WNT9A: variants seen among roughly 807,000 people sequenced by gnomAD.
The protein encoded by WNT9A is Wnt family member 9A.
In WNT9A, 8 loss-of-function variants were observed where a neutral mutation model predicts 31.4. The observed-to-expected ratio is 0.26, with a 90% confidence interval of 0.15 to 0.46. The LOEUF is 0.46. WNT9A is among the 20% of genes least tolerant of loss of function. The pLI, the probability that WNT9A is intolerant of heterozygous loss-of-function variation, is 0.99. For synonymous variants in WNT9A, 236 were observed against 220.1 expected (o/e 1.07, Z -0.64); for missense variants, 457 against 522.9 (o/e 0.87, Z 1.23).
In WNT9A at chr1:227,926,268, A is replaced by G. The variant is rs1666419456; in HGVS notation, c.96-749T>C. Among the ~76,000 whole-genome samples, 2 of 151,816 alleles carry G rather than the reference A, an allele frequency of 1.3e-5. No individual in the cohort carries two copies. The highest frequency in any genetic ancestry group is 2.9e-5 in the Non-Finnish European group (2 of 67,940). ...GATGAACACCACCCTCCATCTTTACACGAGGCCTTGCACCAGTACCCAGCA... is the reference window on the plus strand; with the variant it reads ...GATGAACACCACCCTCCATCTTTACGCGAGGCCTTGCACCAGTACCCAGCA... On this transcript the variant is annotated intron_variant, in intron 1 of 3. Coordinates refer to ENST00000272164, the MANE Select transcript of WNT9A (RefSeq NM_003395.4). This position sits in a 1 kb window ranked among gnomAD's most constrained non-coding sequence, Gnocchi z 5.0.
rs904991013 is a variant in WNT9A, at chr1:227,946,879, C to T, written c.95+914G>A. 2.6e-5 allele frequency among the ~76,000 whole-genome samples: 4 copies of T among 152,186 alleles called. No homozygotes were observed. The East Asian group carries it at 5.8e-4, about 22-fold the overall frequency. Reference sequence around the variant, plus strand: ...GCCCGGCTGAGGGAGCGGCCCAGGGCGTCCAGGTCGGGGGCTGGGATCCGA... The same window carrying T: ...GCCCGGCTGAGGGAGCGGCCCAGGGTGTCCAGGTCGGGGGCTGGGATCCGA... On this transcript the variant is annotated intron_variant, in intron 1 of 3. Transcript: ENST00000272164.
intron 1 of WNT9A, among the ~76,000 whole-genome samples, chr1:227,927,756 C>G (rs930172931): frequency 6.6e-6 from 1 of 152,108 alleles, no homozygotes; most frequent in African/African-American, 2.4e-5. Flanking sequence ...TGTGCCTCCC[C>G]AGGCCTGGAC....
At chr1:227,946,136 C>T (rs1029692180) in intron 1 of WNT9A, among the ~76,000 whole-genome samples, 4 of 152,264 alleles carry the variant, frequency 2.6e-5, no homozygotes, top group East Asian at 1.9e-4. Context: ...CACAACAGCA[C>T]TTAAGTCCTT....
chr1:227,921,496 AG>A lies in WNT9A; in HGVS notation c.*21del, dbSNP rs758141017. ...GTGCAATGCCTGCACCCTGTGCAGC[AG>A]GGCTGGCAGGGCCTGGGAACTCAGC... is the stretch of plus-strand genomic sequence containing the variant. On this transcript the variant is annotated 3_prime_UTR_variant, in exon 4 of 4. Transcript: ENST00000272164. 2.5e-6 allele frequency: 4 copies of A among 1,593,992 alleles called. No individual in the cohort carries two copies. Among genetic ancestry groups the A allele is most frequent in the Non-Finnish European group, 2.6e-6 (3 of 1,168,494 alleles).
chr1:227,946,229 C>G (rs1347542043), intron 1 of WNT9A, among the ~76,000 whole-genome samples: 1 of 152,266 alleles, frequency 6.6e-6, no homozygotes, highest in Admixed American at 6.5e-5. Flanking sequence ...GCCCCTTGAC[C>G]TTCTCTAGGG....
intron 3 of WNT9A, 61 bp downstream of exon 3, chr1:227,924,077 C>A: frequency 1.0e-6 from 1 of 963,736 alleles, no homozygotes; most frequent in African/African-American, 1.7e-5. Flanking sequence ...CGCCCCACCC[C>A]CAACCCCCTG....
chr1:227,937,878 C>T (rs1008088346), intron 1 of WNT9A, among the ~76,000 whole-genome samples: 1 of 152,230 alleles, frequency 6.6e-6, no homozygotes, highest in Non-Finnish European at 1.5e-5. Flanking sequence ...TGCACACCAG[C>T]CAGGCTTCTA....
Position 227,926,420 on chromosome 1 carries a change from C to T in WNT9A, c.96-901G>A, listed in dbSNP as rs1666421997. ...TGGGCTCACTTCACAAGGCTTCCCT[C>T]ACACCCCGCCCTGGCCCAGCCCAGC... On this transcript the variant is annotated intron_variant, in intron 1 of 3. Coordinates refer to ENST00000272164, the MANE Select transcript of WNT9A (RefSeq NM_003395.4). This position sits in a 1 kb window ranked among gnomAD's most constrained non-coding sequence, Gnocchi z 5.0. 1.3e-5 allele frequency among the ~76,000 whole-genome samples: 2 copies of T among 152,062 alleles called. No individual in the cohort carries two copies. Among genetic ancestry groups the T allele is most frequent in the Admixed American group, 1.3e-4 (2 of 15,284 alleles).
At chr1:227,936,291 C>G (rs779260770) in intron 1 of WNT9A, among the ~76,000 whole-genome samples, 1 of 152,048 alleles carries the variant, frequency 6.6e-6, no homozygotes, top group Admixed American at 6.6e-5. Context: ...TGGGTTCAAG[C>G]GATTGTTCCT....
chr1:227,940,298 C>A (rs1666672423), intron 1 of WNT9A, among the ~76,000 whole-genome samples: 1 of 152,162 alleles, frequency 6.6e-6, no homozygotes, highest in African/African-American at 2.4e-5. Context: ...CACGCAGGAC[C>A]CCCCGGGGGA....
chr1:227,919,686 TACACAC>T lies in WNT9A; in HGVS notation c.*1826_*1831del, dbSNP rs59594965. The stretch of plus-strand genomic sequence containing the variant: ...CACAGCCAAGCTGACCATGCCAGTA[TACACAC>T]ACACACACACACACACACACACACA... On this transcript the variant is annotated 3_prime_UTR_variant, in exon 4 of 4. Coordinates refer to ENST00000272164, the MANE Select transcript of WNT9A (RefSeq NM_003395.4). 1,484 of 135,896 alleles carry T rather than the reference TACACAC, an allele frequency of 0.011. 9 individuals are homozygous for T. Among genetic ancestry groups the T allele is most frequent in the Admixed American group, 0.03 (420 of 13,850 alleles). 8.4% of individuals were successfully genotyped at this position (135,896 alleles called of 1,614,324 possible).
Position 227,920,443 on chromosome 1 carries a change from A to T in WNT9A, c.*1075T>A, listed in dbSNP as rs1048750310. ...AGGTGGCAGGGATGGAGAAAATAAT[A>T]ATTATTATATTAGTTAAATAATCAT... On this transcript the variant is annotated 3_prime_UTR_variant, in exon 4 of 4. Coordinates refer to ENST00000272164, the MANE Select transcript of WNT9A (RefSeq NM_003395.4). 6.6e-6 allele frequency: 1 copy of T among 152,190 alleles called. No individual in the cohort carries two copies. Among genetic ancestry groups the T allele is most frequent in the African/African-American group, 2.4e-5 (1 of 41,430 alleles). The allele number at this position is 152,190 out of a possible 1,614,324, so 9.4% of individuals were successfully genotyped here.
chr1:227,934,952 T>C (rs1666567439), intron 1 of WNT9A, among the ~76,000 whole-genome samples: 2 of 151,734 alleles, frequency 1.3e-5, no homozygotes. Flanking sequence ...ATAGACAGCC[T>C]GAGTCACAGC....
Position 227,928,275 on chromosome 1 carries a change from C to T in WNT9A, c.96-2756G>A, listed in dbSNP as rs1176959371. 6.6e-6 allele frequency among the ~76,000 whole-genome samples: 1 copy of T among 151,430 alleles called. No individual in the cohort carries two copies. The highest frequency in any genetic ancestry group is 6.6e-5 in the Admixed American group (1 of 15,234). On this transcript the variant is annotated intron_variant, in intron 1 of 3. Transcript: ENST00000272164. The surrounding 1 kb of genome is among the most constrained non-coding windows in gnomAD (Gnocchi z 4.5). ...TCCCCTCTGGCCCCAGGACACCCCT[C>T]TATCAGAGGCAACTCCCTAAACGCA...
At position 227,928,670 on chromosome 1, in the gene WNT9A, C is replaced by A. The variant is rs1666459313; in HGVS notation, c.96-3151G>T. Among the ~76,000 whole-genome samples the A allele has an allele frequency of 6.6e-6, 1 of 152,174 alleles. No individual in the cohort carries two copies. The highest frequency in any genetic ancestry group is 1.5e-5 in the Non-Finnish European group (1 of 68,024). On this transcript the variant is annotated intron_variant, in intron 1 of 3. Transcript: ENST00000272164. This position sits in a 1 kb window ranked among gnomAD's most constrained non-coding sequence, Gnocchi z 4.5. ...CATGCTGGGGAACAGGATGGGCGATCTCAGAGCCTGGGCCCAGCAGAGGGG... is the reference window on the plus strand; with the variant it reads ...CATGCTGGGGAACAGGATGGGCGATATCAGAGCCTGGGCCCAGCAGAGGGG...
rs113887317 is a variant in WNT9A at position 227,925,453 on chromosome 1, C to T, written c.162G>A (p.Ala54=). The change falls in exon 2 of 4, where the codon GCG becomes GCA. Residue 54 remains alanine, a synonymous_variant. Transcript: ENST00000272164. The surrounding 1 kb of genome is among the most constrained non-coding windows in gnomAD (Gnocchi z 6.0). The stretch of plus-strand genomic sequence containing the variant: ...TCAGCCGGTCGCAGGCCTTGTAGTG[C>T]GCCTGGGCAGCCGCCTCTGGCTCCA... ...LTLEPEAAAQ[A]HYKACDRLKL... 939 of 1,579,702 alleles carry T rather than the reference C, an allele frequency of 5.9e-4. 1 individual carries two copies. The highest frequency in any genetic ancestry group is 7.6e-4 in the Non-Finnish European group (883 of 1,167,100).
Position 227,921,373 on chromosome 1 carries a change from T to C in WNT9A, c.*145A>G, listed in dbSNP as rs574866294. On this transcript the variant is annotated 3_prime_UTR_variant, in exon 4 of 4. Coordinates refer to ENST00000272164, the MANE Select transcript of WNT9A (RefSeq NM_003395.4). ...CCCAGGGACTCAGCCCATGCAGGTG[T>C]AGACCCATTCACACTGTGTGCAATG... The C allele has an allele frequency of 1.5e-6, 2 of 1,326,326 alleles. No homozygotes were observed. Among genetic ancestry groups the C allele is most frequent in the African/African-American group, 1.5e-5 (1 of 67,870 alleles). 82.2% of individuals were successfully genotyped at this position (1,326,326 alleles called of 1,614,324 possible). A position where few individuals can be genotyped will look rare whatever the true frequency, so the allele number is the denominator to read the frequency against.
chr1:227,936,523 C>T (rs1031876713), intron 1 of WNT9A, among the ~76,000 whole-genome samples: 7 of 152,080 alleles, frequency 4.6e-5, no homozygotes, highest in South Asian at 2.1e-4. Context: ...TTAGTAGAGA[C>T]GGGGTTTCAC....
chr1:227,924,488 A>T, intron 2 of WNT9A, 88 bp from the exon 3 acceptor site: 1 of 1,495,592 alleles, frequency 6.7e-7, no homozygotes, highest in Admixed American at 2.1e-5. Context: ...CAAGAGTATG[A>T]ATCCCATGTT....
Sources: allele counts gnomAD v4.1 joint callset (sites outside exome capture counted in the v4.1 genomes callset), GRCh38; gene constraint gnomAD v4.1.1; non-coding constraint Gnocchi (gnomAD v3.1); transcripts MANE v1.5; gene names NCBI Gene and HGNC (gene_info 2026-07-23, HGNC 2026-07-21).